ADAMTSL1: variants seen among roughly 807,000 people sequenced by gnomAD.
The protein encoded by ADAMTSL1 is ADAMTS like 1, also known as ADAMTS-like protein 1.
ADAMTSL1 carries 126 observed loss-of-function variants against 201.8 expected under a neutral mutation model. The observed-to-expected ratio is 0.62, with a 90% CI of 0.54 to 0.72. The LOEUF (loss-of-function observed/expected upper bound fraction) is 0.72. Among genes scored for constraint, ADAMTSL1 ranks in the 30% least tolerant of loss-of-function variants. The pLI is 0.00. For missense variants in ADAMTSL1, 2,679 were observed against 2,277.8 expected, an observed-to-expected ratio of 1.18 and a Z score of -3.59; for synonymous variants, 1,121 against 903.4, an observed-to-expected ratio of 1.24 and a Z score of -4.32.
intron 2 of ADAMTSL1, among the ~76,000 whole-genome samples, chr9:18,297,817 C>T (rs887582276): frequency 1.3e-5 from 2 of 152,186 alleles, no homozygotes; most frequent in African/African-American, 4.8e-5. Flanking sequence ...TCTATTTGCT[C>T]TGTTAAAAAA....
intron 13 of ADAMTSL1, among the ~76,000 whole-genome samples, chr9:18,697,738 C>G (rs1831641712): frequency 6.6e-6 from 1 of 152,106 alleles, no homozygotes; most frequent in South Asian, 2.1e-4. Flanking sequence ...ATTGAGGGGT[C>G]AAGAATAACT....
chr9:18,124,072 T>C (rs998068239), intron 1 of ADAMTSL1, among the ~76,000 whole-genome samples: 1 of 141,428 alleles, frequency 7.1e-6, no homozygotes, highest in African/African-American at 2.6e-5. Flanking sequence ...TGTGCTTATT[T>C]GCCAGTTTTT....
At chr9:18,014,899 G>T (rs1820196092) in intron 1 of ADAMTSL1, among the ~76,000 whole-genome samples, 1 of 151,920 alleles carries the variant, frequency 6.6e-6, no homozygotes, top group African/African-American at 2.4e-5. Flanking sequence ...CTTCTCTATT[G>T]ACATTTGTAA....
intron 2 of ADAMTSL1, among the ~76,000 whole-genome samples, chr9:18,200,410 A>G (rs1257867028): frequency 6.6e-6 from 1 of 152,122 alleles, no homozygotes; most frequent in Non-Finnish European, 1.5e-5. Context: ...GAAATACCAA[A>G]GGGATTATTA....
chr9:17,930,347 A>G (rs1240392146), intron 1 of ADAMTSL1, among the ~76,000 whole-genome samples: 1 of 152,042 alleles, frequency 6.6e-6, no homozygotes, highest in South Asian at 2.1e-4. Context: ...TGCACGGGTA[A>G]GTTTTCTTGG....
chr9:17,980,160 T>G (rs934865620), intron 1 of ADAMTSL1, among the ~76,000 whole-genome samples: 1 of 152,156 alleles, frequency 6.6e-6, no homozygotes, highest in African/African-American at 2.4e-5. Flanking sequence ...TAAATGAGTA[T>G]TTTCTTAGTT....
At chr9:18,499,715 C>T (rs574489512) in intron 1 of ADAMTSL1, among the ~76,000 whole-genome samples, 1 of 152,306 alleles carries the variant, frequency 6.6e-6, no homozygotes, top group East Asian at 1.9e-4. Context: ...CAGGTACCTT[C>T]TTGATGATCT....
intron 2 of ADAMTSL1, among the ~76,000 whole-genome samples, chr9:18,267,843 G>C (rs1043402975): frequency 6.8e-6 from 1 of 146,648 alleles, no homozygotes; most frequent in African/African-American, 2.6e-5. Context: ...ATTTTGTCTT[G>C]TAGCGGCTTT....
At chr9:18,589,217 T>A (rs915337284) in intron 4 of ADAMTSL1, among the ~76,000 whole-genome samples, 1 of 152,156 alleles carries the variant, frequency 6.6e-6, no homozygotes, top group Non-Finnish European at 1.5e-5. Flanking sequence ...CAACATGGAA[T>A]AGCTTTCCAT....
chr9:18,466,481 G>A (rs934149386), intron 2 of ADAMTSL1, among the ~76,000 whole-genome samples: 12 of 152,066 alleles, frequency 7.9e-5, no homozygotes, highest in Admixed American at 5.9e-4. Context: ...CACAAATTCC[G>A]TGTCCTTTCT....
At chr9:18,423,559 C>T (rs570949079) in intron 2 of ADAMTSL1, among the ~76,000 whole-genome samples, 14 of 152,316 alleles carry the variant, frequency 9.2e-5, no homozygotes, top group Non-Finnish European at 1.9e-4. Flanking sequence ...AGGCATTGTA[C>T]TAGGCACTTT....
rs139195071 is a variant in ADAMTSL1, at chr9:18,244,828, C to G, written c.207+80847C>G. Among the ~76,000 whole-genome samples the G allele has an allele frequency of 4.6e-3, 703 of 152,198 alleles. 5 individuals are homozygous for G. The highest frequency in any genetic ancestry group is 0.016 in the African/African-American group (667 of 41,530). The stretch of plus-strand genomic sequence containing the variant: ...CTCTCTTATGGTTTAGATCTCTTGT[C>G]ATTCCCCTTCCACCCTACTGTAACC... On this transcript the variant is annotated intron_variant, in intron 2 of 29. Coordinates refer to the ADAMTSL1 transcript ENST00000680146.
chr9:18,466,047 G>A lies in ADAMTSL1; in HGVS notation c.208-38782G>A, dbSNP rs149789787. 7.2e-4 allele frequency among the ~76,000 whole-genome samples: 109 copies of A among 152,236 alleles called. No homozygotes were observed. In the East Asian group the frequency reaches 0.013, roughly 18 times the overall value. On this transcript the variant is annotated intron_variant, in intron 2 of 29. Transcript: ENST00000680146. ...ATTACAGGAGTGAGCCACTGTGCCC[G>A]GCTTCAAGTATCTTATTTAAAAGAA...
chr9:18,795,555 C>T (rs367702665), intron 20 of ADAMTSL1, 31 bp downstream of exon 20: 2 of 1,576,762 alleles, frequency 1.3e-6, no homozygotes, highest in Non-Finnish European at 1.7e-6. Context: ...CTGTTCATTT[C>T]ATAAACCTTT....
intron 2 of ADAMTSL1, among the ~76,000 whole-genome samples, chr9:18,304,372 T>C (rs1833826178): frequency 6.6e-6 from 1 of 152,076 alleles, no homozygotes; most frequent in African/African-American, 2.4e-5. Flanking sequence ...AAAGAAAACC[T>C]TGTGAGCTCC....
intron 23 of ADAMTSL1, among the ~76,000 whole-genome samples, chr9:18,845,036 C>G (rs1299371372): frequency 6.6e-6 from 1 of 152,222 alleles, no homozygotes; most frequent in Non-Finnish European, 1.5e-5. Context: ...GCACGGTGCA[C>G]TGCACCCACT....
In ADAMTSL1 at chr9:18,889,239, AAAATAAGATGACCTGTGGCATT is replaced by A. The variant is rs1435398574; in HGVS notation, c.4463-326_4463-305del. 3.3e-5 allele frequency among the ~76,000 whole-genome samples: 5 copies of A among 152,340 alleles called. No homozygotes were observed. In the South Asian group the frequency reaches 1.0e-3, roughly 32 times the overall value. On this transcript the variant is annotated intron_variant, in intron 24 of 28. Coordinates refer to ENST00000380548, the MANE Select transcript of ADAMTSL1 (RefSeq NM_001040272.6). ...AAAAGTACTGTAGCCAATATCTTTA[AAAATAAGATGACCTGTGGCATT>A]AATTGTGCACTCTTTTATGTCAGAC...
chr9:18,214,414 T>C (rs1829992044), intron 2 of ADAMTSL1, among the ~76,000 whole-genome samples: 1 of 152,200 alleles, frequency 6.6e-6, no homozygotes, highest in Admixed American at 6.5e-5. Context: ...TCAGAGATGA[T>C]GTACTTTGTT....
chr9:18,111,597 A>G (rs1013467686), intron 1 of ADAMTSL1, among the ~76,000 whole-genome samples: 2 of 152,344 alleles, frequency 1.3e-5, no homozygotes, highest in African/African-American at 4.8e-5. Flanking sequence ...AATTTCAAGC[A>G]TCATTTAAAA....
Sources: gnomAD v4.1 joint callset for allele counts (sites outside exome capture counted in the v4.1 genomes callset) on GRCh38, gnomAD v4.1.1 for gene constraint, MANE v1.5 for transcripts, NCBI Gene and HGNC (gene_info 2026-07-23, HGNC 2026-07-21) for gene names.